Variants in BMP2K observed in about 807,000 individuals in gnomAD.
BMP2K encodes BMP-2-inducible protein kinase.
A neutral mutation model predicts 116.0 loss-of-function variants in BMP2K; 74 were observed. The ratio of observed to expected loss-of-function variants is 0.64; its 90% CI spans 0.53 to 0.77. The LOEUF (loss-of-function observed/expected upper bound fraction) is 0.77. BMP2K is among the 30% of genes least tolerant of loss of function. The probability of loss-of-function intolerance (pLI) is 0.00; values close to 1 mark genes in which losing one functional copy is unlikely to be tolerated. For synonymous variants in BMP2K, 486 were observed against 502.5 expected, an observed-to-expected ratio of 0.97 and a Z score of 0.44; for missense variants, 1,365 against 1,403.6, an observed-to-expected ratio of 0.97 and a Z score of 0.44.
intron 4 of BMP2K, among the ~76,000 whole-genome samples, chr4:78,844,652 G>A (rs1730912117): frequency 1.3e-5 from 2 of 151,494 alleles, no homozygotes; most frequent in African/African-American, 2.4e-5. Flanking sequence ...TCTGTTCTTA[G>A]TAAGAGAAGC....
At chr4:78,832,134 G>A (rs1246102327) in intron 2 of BMP2K, among the ~76,000 whole-genome samples, 6 of 152,014 alleles carry the variant, frequency 3.9e-5, no homozygotes, top group Admixed American at 6.6e-5. Context: ...TGTCTTTTGG[G>A]TATTATAATT....
chr4:78,901,639 C>T (rs1349396796), intron 15 of BMP2K, among the ~76,000 whole-genome samples: 2 of 152,102 alleles, frequency 1.3e-5, no homozygotes, highest in African/African-American at 4.8e-5. Flanking sequence ...ACCCACATTC[C>T]CTTTCTTCTC....
intron 1 of BMP2K, among the ~76,000 whole-genome samples, chr4:78,821,849 T>G (rs1729632807): frequency 6.6e-6 from 1 of 152,204 alleles, no homozygotes. Context: ...TCTTTTGCAT[T>G]ATCTTTTTAA....
At chr4:78,853,531 A>G (rs991924978) in intron 7 of BMP2K, among the ~76,000 whole-genome samples, 3 of 152,194 alleles carry the variant, frequency 2.0e-5, no homozygotes, top group Non-Finnish European at 2.9e-5. Context: ...AATGAGAAAC[A>G]TAACTAACGG....
chr4:78,850,674 C>G (rs1015482226), intron 6 of BMP2K, among the ~76,000 whole-genome samples: 1 of 151,742 alleles, frequency 6.6e-6, no homozygotes, highest in Non-Finnish European at 1.5e-5. Flanking sequence ...CCAAAAAGAA[C>G]CAGCTACTTC....
At chr4:78,841,637 AT>A (rs1730764720) in intron 3 of BMP2K, among the ~76,000 whole-genome samples, 1 of 152,068 alleles carries the variant, frequency 6.6e-6, no homozygotes, top group African/African-American at 2.4e-5. Context: ...AGTATGGCTG[AT>A]CCCTGTCTGC....
At position 78,860,204 on chromosome 4, in the gene BMP2K, G is replaced by A. The variant is rs77671685; in HGVS notation, c.987+517G>A. On this transcript the variant is annotated intron_variant, in intron 8 of 15. Coordinates refer to ENST00000502613, the MANE Select transcript of BMP2K (RefSeq NM_198892.2). ...GAAGTCAGAAAGGTGGGAAGCGGAT[G>A]AAGGATGAGAAGTTACCTAATGGGT... is the stretch of plus-strand genomic sequence containing the variant. 1,020 of 390,084 alleles carry A rather than the reference G, an allele frequency of 2.6e-3. 12 individuals carry two copies. The highest frequency in any genetic ancestry group is 0.02 in the African/African-American group (937 of 47,744). The allele number at this position is 390,084 out of a possible 1,614,324, so 24.2% of individuals were successfully genotyped here.
intron 10 of BMP2K, among the ~76,000 whole-genome samples, chr4:78,870,310 T>G (rs1015550072): frequency 2.0e-5 from 3 of 152,172 alleles, no homozygotes; most frequent in African/African-American, 7.2e-5. Context: ...TGTAAGTCAT[T>G]AACATGTGCA....
intron 3 of BMP2K, among the ~76,000 whole-genome samples, chr4:78,838,744 A>G (rs1730614410): frequency 6.6e-6 from 1 of 152,208 alleles, no homozygotes; most frequent in Non-Finnish European, 1.5e-5. Flanking sequence ...GAGTAAAACA[A>G]TATGTTATAT....
intron 4 of BMP2K, among the ~76,000 whole-genome samples, chr4:78,844,626 T>TACAAAGCATTTCTTTGCCCC (rs1730910587): frequency 2.0e-5 from 3 of 151,568 alleles, no homozygotes; most frequent in Non-Finnish European, 4.4e-5. Context: ...TCAACCTGGG[T>TACAAAGCATTTCTTTGCCCC]TGGAAGAAGC....
At chr4:78,814,349 A>T (rs1233840518) in intron 1 of BMP2K, among the ~76,000 whole-genome samples, 2 of 151,750 alleles carry the variant, frequency 1.3e-5, no homozygotes, top group East Asian at 1.9e-4. Context: ...TAATCGTTTC[A>T]TATATTTGTG....
chr4:78,834,647 G>A (rs181116360), intron 3 of BMP2K, among the ~76,000 whole-genome samples: 21 of 152,216 alleles, frequency 1.4e-4, no homozygotes, highest in Non-Finnish European at 2.2e-4. Context: ...GTGGTTCTAG[G>A]GAGCCCTGGT....
chr4:78,874,488 G>A (rs771219468), intron 13 of BMP2K, among the ~76,000 whole-genome samples: 8 of 152,190 alleles, frequency 5.3e-5, no homozygotes, highest in Non-Finnish European at 1.0e-4. Flanking sequence ...TAAAGATACT[G>A]ATGAGGCTAT....
chr4:78,878,701 ATCT>A (rs764910131), intron 13 of BMP2K, 30 bp from the exon 14 acceptor site: 6 of 1,510,186 alleles, frequency 4.0e-6, no homozygotes, highest in Non-Finnish European at 5.4e-6. Flanking sequence ...TTTTCTTTCC[ATCT>A]TCTTTTTTCT....
intron 1 of BMP2K, among the ~76,000 whole-genome samples, chr4:78,786,552 G>C (rs1046599068): frequency 6.6e-6 from 1 of 151,852 alleles, no homozygotes; most frequent in Non-Finnish European, 1.5e-5. Context: ...CCTTGCCTTA[G>C]CCTCCCGACA....
intron 1 of BMP2K, among the ~76,000 whole-genome samples, chr4:78,806,556 A>C (rs1238690397): frequency 6.6e-6 from 1 of 152,118 alleles, no homozygotes; most frequent in East Asian, 1.9e-4. Context: ...AGTTTTTCCT[A>C]CCTAAATTGC....
intron 3 of BMP2K, among the ~76,000 whole-genome samples, chr4:78,841,118 A>C (rs1730738179): frequency 6.6e-6 from 1 of 152,170 alleles, no homozygotes; most frequent in African/African-American, 2.4e-5. Context: ...GGTAAAATTA[A>C]TGTTCTTTTT....
intron 3 of BMP2K, among the ~76,000 whole-genome samples, chr4:78,835,862 A>C (rs1730453161): frequency 6.6e-6 from 1 of 152,146 alleles, no homozygotes; most frequent in Non-Finnish European, 1.5e-5. Context: ...AATTCTGTGC[A>C]TGAAGAGGCT....
chr4:78,787,294 T>C (rs1280868467), intron 1 of BMP2K, among the ~76,000 whole-genome samples: 1 of 152,234 alleles, frequency 6.6e-6, no homozygotes, highest in Non-Finnish European at 1.5e-5. Context: ...TTGTTAATAA[T>C]GTAGTTCTAG....
Sources: allele counts gnomAD v4.1 joint callset (sites outside exome capture counted in the v4.1 genomes callset), GRCh38; gene constraint gnomAD v4.1.1; transcripts MANE v1.5; gene names NCBI Gene and HGNC (gene_info 2026-07-23, HGNC 2026-07-21).